NLGN4X: variants seen among roughly 807,000 people sequenced by gnomAD.
NLGN4X encodes neuroligin 4 X-linked.
NLGN4X carries 3 observed loss-of-function variants against 40.3 expected under a neutral mutation model. The ratio of observed to expected loss-of-function variants is 0.07; its 90% CI spans 0.03 to 0.19. The LOEUF (loss-of-function observed/expected upper bound fraction) is 0.19. Among genes scored for constraint, NLGN4X ranks in the 10% least tolerant of loss-of-function variants. The pLI is 1.00. For missense variants in NLGN4X, 382 were observed against 708.3 expected, an observed-to-expected ratio of 0.54 and a Z score of 5.23; for synonymous variants, 270 against 306.8, an observed-to-expected ratio of 0.88 and a Z score of 1.25.
In NLGN4X at chrX:5,982,396, T is replaced by C. The variant is rs189002280; in HGVS notation, c.625+46884A>G. Among the ~76,000 whole-genome samples the C allele has an allele frequency of 3.6e-5, 4 of 111,793 alleles. No individual in the cohort carries two copies. The Admixed American group carries it at 3.8e-4, about 11-fold the overall frequency. Reference sequence around the variant, plus strand: ...AATGCCTGTGAAATAAAGTCACAATTCTTTGAACTCTGAACTGCTCTTAAG... The same window carrying C: ...AATGCCTGTGAAATAAAGTCACAATCCTTTGAACTCTGAACTGCTCTTAAG... On this transcript the variant is annotated intron_variant, in intron 3 of 5. Coordinates refer to ENST00000381095, the MANE Select transcript of NLGN4X (RefSeq NM_181332.3).
intron 3 of NLGN4X, among the ~76,000 whole-genome samples, chrX:5,951,355 A>C (rs1447792412): frequency 1.8e-5 from 2 of 111,951 alleles, no homozygotes; most frequent in Non-Finnish European, 3.8e-5. Context: ...TGAACTAAAA[A>C]GAATAAAAAT....
intron 3 of NLGN4X, among the ~76,000 whole-genome samples, chrX:5,917,424 C>T (rs755212892): frequency 8.9e-6 from 1 of 112,614 alleles, no homozygotes; most frequent in Non-Finnish European, 1.9e-5. Context: ...CAGAACGTAT[C>T]ACTTTACACC....
At chrX:6,096,760 T>A (rs1173230155) in intron 2 of NLGN4X, among the ~76,000 whole-genome samples, 1 of 111,857 alleles carries the variant, frequency 8.9e-6, no homozygotes, top group Non-Finnish European at 1.9e-5. Context: ...AACATGAGTA[T>A]CTTCTTAGCA....
At chrX:6,196,229 C>T in intron 1 of NLGN4X, among the ~76,000 whole-genome samples, 1 of 111,214 alleles carries the variant, frequency 9.0e-6, no homozygotes, top group South Asian at 3.9e-4. Context: ...ATTTTCAAAT[C>T]CGATATTGCT....
At chrX:6,127,328 T>C (rs1309494090) in intron 2 of NLGN4X, among the ~76,000 whole-genome samples, 4 of 112,731 alleles carry the variant, frequency 3.5e-5, no homozygotes, top group Middle Eastern at 4.6e-3. Context: ...AAAGAATACA[T>C]TGTAGCTGGG....
chrX:6,061,757 C>T (rs1304100275), intron 2 of NLGN4X: 2 of 111,974 alleles, frequency 1.8e-5, no homozygotes, highest in Non-Finnish European at 3.8e-5. Flanking sequence ...CATTTTATGA[C>T]CTATTTGAAT....
chrX:6,131,764 T>C (rs1400069216), intron 2 of NLGN4X, among the ~76,000 whole-genome samples: 1 of 112,181 alleles, frequency 8.9e-6, no homozygotes, highest in East Asian at 2.8e-4. Flanking sequence ...GTCCCATTGG[T>C]GCTCCATTGC....
intron 1 of NLGN4X, among the ~76,000 whole-genome samples, chrX:6,154,142 T>C (rs1026508233): frequency 1.8e-5 from 2 of 111,990 alleles, no homozygotes; most frequent in African/African-American, 6.5e-5. Flanking sequence ...CTCTACTCAC[T>C]AGATGATAGT....
intron 1 of NLGN4X, among the ~76,000 whole-genome samples, chrX:6,165,228 C>A (rs1048539516): frequency 8.9e-6 from 1 of 111,806 alleles, no homozygotes; most frequent in Non-Finnish European, 1.9e-5. Context: ...CTTCCAAGAT[C>A]CAGCATATAG....
At chrX:5,919,230 AAT>A (rs35266454) in intron 3 of NLGN4X, among the ~76,000 whole-genome samples, 20,903 of 109,208 alleles carry the variant, frequency 0.19, 2,191 homozygotes, top group African/African-American at 0.39. Flanking sequence ...CCTCCTGGGC[AAT>A]ATATATATAT....
intron 3 of NLGN4X, among the ~76,000 whole-genome samples, chrX:5,965,923 G>T (rs1321112477): frequency 9.0e-6 from 1 of 111,480 alleles, no homozygotes; most frequent in Middle Eastern, 4.2e-3. Flanking sequence ...CCAAGAAGCA[G>T]ATCTTGGTAA....
At chrX:6,024,149 T>C (rs968174946) in intron 3 of NLGN4X, among the ~76,000 whole-genome samples, 1 of 112,137 alleles carries the variant, frequency 8.9e-6, no homozygotes, top group South Asian at 3.7e-4. Flanking sequence ...GTGATTGTTC[T>C]GAAAGTTTAT....
At chrX:5,931,296 G>A (rs1042345393) in intron 3 of NLGN4X, among the ~76,000 whole-genome samples, 2 of 112,168 alleles carry the variant, frequency 1.8e-5, no homozygotes, top group Admixed American at 9.5e-5. Flanking sequence ...TATGATATAC[G>A]CTGATAAATG....
At position 6,138,899 on chromosome X, in the gene NLGN4X, CA is replaced by C. The variant is rs386416539; in HGVS notation, c.472+12095del. On this transcript the variant is annotated intron_variant, in intron 2 of 5. Coordinates refer to ENST00000381095, the MANE Select transcript of NLGN4X (RefSeq NM_181332.3). The stretch of plus-strand genomic sequence containing the variant: ...CAAAATCCCCTCTTATAAAGCAAAA[CA>C]AAAAAAAAAGTATAAAATGCAAAGA... Among the ~76,000 whole-genome samples, 274 of 103,540 alleles carry C rather than the reference CA, an allele frequency of 2.6e-3. 1 individual carries two copies. The highest frequency in any genetic ancestry group is 7.0e-3 in the African/African-American group (200 of 28,613). The allele number at this position is 103,540 out of a possible 115,157, so 89.9% of individuals were successfully genotyped here.
chrX:6,016,009 C>G (rs1231778286), intron 3 of NLGN4X, among the ~76,000 whole-genome samples: 1 of 111,816 alleles, frequency 8.9e-6, no homozygotes, highest in African/African-American at 3.3e-5. Context: ...GAACATGTAT[C>G]CACATTATAC....
intron 2 of NLGN4X, among the ~76,000 whole-genome samples, chrX:6,034,962 C>G (rs1237851791): frequency 9.0e-6 from 1 of 111,592 alleles, no homozygotes; most frequent in African/African-American, 3.3e-5. Context: ...TCATCTTGGC[C>G]TCCTAAAGTG....
chrX:6,130,162 A>G (rs1034306314), intron 2 of NLGN4X, among the ~76,000 whole-genome samples: 1 of 112,122 alleles, frequency 8.9e-6, no homozygotes, highest in African/African-American at 3.2e-5. Context: ...CACTGGGATT[A>G]CAGGCATCAG....
rs1569309354 is a variant in NLGN4X at position 6,225,681 on chromosome X, C to CTTTTTTTTTTTT, written c.-306+2859_-306+2860insAAAAAAAAAAAA. On this transcript the variant is annotated intron_variant, in intron 1 of 5. Transcript: ENST00000381095. ...CTTTTTCTTTTCCTTTTTTTTCTTT[C>CTTTTTTTTTTTT]TTTTTTTCTTTTTTTTTTTTTTTTT... 1.2e-3 allele frequency among the ~76,000 whole-genome samples: 39 copies of CTTTTTTTTTTTT among 33,786 alleles called. 1 individual carries two copies. The highest frequency in any genetic ancestry group is 2.1e-3 in the East Asian group (2 of 966). The allele number at this position is 33,786 out of a possible 115,157, so 29.3% of individuals were successfully genotyped here.
At chrX:5,907,997 AAGAGAG>A (rs201165141) in intron 4 of NLGN4X, among the ~76,000 whole-genome samples, 1 of 83,762 alleles carries the variant, frequency 1.2e-5, no homozygotes, top group Admixed American at 1.4e-4. Flanking sequence ...GAGAGAGAGG[AAGAGAG>A]AGAGAGGGAG....
Sources: allele counts gnomAD v4.1 joint callset (sites outside exome capture counted in the v4.1 genomes callset), GRCh38; gene constraint gnomAD v4.1.1; transcripts MANE v1.5; gene names NCBI Gene and HGNC (gene_info 2026-07-23, HGNC 2026-07-21).